Variants in MGAT5 observed in about 807,000 individuals in gnomAD.
MGAT5 encodes alpha-1,6-mannosylglycoprotein 6-beta-N-acetylglucosaminyltransferase.
MGAT5 carries 30 observed loss-of-function variants against 94.3 expected under a neutral mutation model. The observed-to-expected ratio is 0.32, with a 90% CI of 0.24 to 0.43. The LOEUF is 0.43. MGAT5 is among the 20% of genes least tolerant of loss of function. The pLI is 1.00. For synonymous variants in MGAT5, 310 were observed against 322.9 expected (o/e 0.96, Z 0.43); for missense variants, 691 against 905.5 (o/e 0.76, Z 3.04).
chr2:134,420,637 G>A (rs920163202), intron 12 of MGAT5, among the ~76,000 whole-genome samples: 3 of 151,546 alleles, frequency 2.0e-5, no homozygotes, highest in Non-Finnish European at 2.9e-5. Context: ...AAAGAGGAGA[G>A]CCAGCTTGAC....
intron 4 of MGAT5, among the ~76,000 whole-genome samples, chr2:134,326,720 T>C (rs747588706): frequency 3.9e-5 from 6 of 152,092 alleles, no homozygotes; most frequent in Admixed American, 2.0e-4. Context: ...ATGTATCATC[T>C]AGATTGTAGT....
At chr2:134,376,377 T>C (rs548216420) in intron 10 of MGAT5, among the ~76,000 whole-genome samples, 2 of 152,322 alleles carry the variant, frequency 1.3e-5, no homozygotes, top group East Asian at 3.9e-4. Context: ...ATGGATATCA[T>C]TTACTGGAGA....
chr2:134,389,363 G>C lies in MGAT5; in HGVS notation c.1381-13625G>C, dbSNP rs190361761. 1.3e-4 allele frequency among the ~76,000 whole-genome samples: 20 copies of C among 152,270 alleles called. 1 individual carries two copies. In the East Asian group the frequency reaches 3.5e-3, roughly 26 times the overall value. On this transcript the variant is annotated intron_variant, in intron 10 of 15. Transcript: ENST00000281923. The stretch of plus-strand genomic sequence containing the variant: ...GACTAAGCTTGGGAATCTCTGAAAA[G>C]TCATCTCAGGAAACAGACCTAGACA...
At chr2:134,189,604 T>TTTG (rs1221722320) in intron 1 of MGAT5, among the ~76,000 whole-genome samples, 3 of 105,810 alleles carry the variant, frequency 2.8e-5, no homozygotes, top group African/African-American at 1.3e-4. Flanking sequence ...TTTTTTTTGT[T>TTTG]TTTTTTTTTT....
At chr2:134,384,319 C>T (rs1236105055) in intron 10 of MGAT5, among the ~76,000 whole-genome samples, 1 of 151,784 alleles carries the variant, frequency 6.6e-6, no homozygotes, top group Non-Finnish European at 1.5e-5. Context: ...CTTGCCCCTA[C>T]AAGTTCCTTC....
chr2:134,154,923 C>A (rs1687404528), intron 1 of MGAT5, among the ~76,000 whole-genome samples: 1 of 152,186 alleles, frequency 6.6e-6, no homozygotes, highest in Non-Finnish European at 1.5e-5. Context: ...GTGACCTTTC[C>A]TGGAGGATAA....
chr2:134,161,161 C>G (rs188498744), intron 1 of MGAT5, among the ~76,000 whole-genome samples: 1 of 152,314 alleles, frequency 6.6e-6, no homozygotes, highest in African/African-American at 2.4e-5. Context: ...GAAGGACAGA[C>G]GTTGTCACCA....
chr2:134,377,444 T>C (rs559622124), intron 10 of MGAT5, among the ~76,000 whole-genome samples: 1 of 152,360 alleles, frequency 6.6e-6, no homozygotes, highest in Non-Finnish European at 1.5e-5. Flanking sequence ...CACATGACCA[T>C]TCTTGGCTGC....
chr2:134,391,816 T>C (rs1039937394), intron 10 of MGAT5, among the ~76,000 whole-genome samples: 1 of 152,216 alleles, frequency 6.6e-6, no homozygotes, highest in African/African-American at 2.4e-5. Flanking sequence ...CTTTGTAGTT[T>C]GAGTCACTTA....
chr2:134,403,249 T>C lies in MGAT5; in HGVS notation c.1530+112T>C, dbSNP rs919267717. On this transcript the variant is annotated intron_variant, in intron 11 of 15. Coordinates refer to ENST00000281923, the MANE Select transcript of MGAT5 (RefSeq NM_002410.5). Reference sequence around the variant, plus strand: ...GCTGCAATAAACTCTTGTGGCTATTTTGGGGCAGCAGTTTGCTAGACCAAT... The same window carrying C: ...GCTGCAATAAACTCTTGTGGCTATTCTGGGGCAGCAGTTTGCTAGACCAAT... 30 of 1,168,396 alleles carry C rather than the reference T, an allele frequency of 2.6e-5. No individual in the cohort carries two copies. In the Admixed American group the frequency reaches 8.9e-4, roughly 35 times the overall value. The allele number at this position is 1,168,396 out of a possible 1,614,324, so 72.4% of individuals were successfully genotyped here.
intron 1 of MGAT5, among the ~76,000 whole-genome samples, chr2:134,261,486 G>A (rs577715048): frequency 1.2e-4 from 18 of 152,216 alleles, no homozygotes; most frequent in Non-Finnish European, 1.9e-4. Flanking sequence ...GTCTTTGAGC[G>A]TCTGCATTTG....
chr2:134,413,640 C>T (rs562449615), intron 12 of MGAT5, among the ~76,000 whole-genome samples: 1 of 152,248 alleles, frequency 6.6e-6, no homozygotes, highest in East Asian at 1.9e-4. Flanking sequence ...TTTACAGCTA[C>T]GTGTGAGTGA....
chr2:134,149,332 G>A (rs369240726), intron 1 of MGAT5, among the ~76,000 whole-genome samples: 27 of 152,212 alleles, frequency 1.8e-4, no homozygotes, highest in African/African-American at 6.5e-4. Context: ...CCTCCATGTG[G>A]ATTCTACTCC....
intron 1 of MGAT5, among the ~76,000 whole-genome samples, chr2:134,177,163 A>G (rs2321730): frequency 0.035 from 946 of 27,374 alleles, 12 homozygotes; most frequent in African/African-American, 0.12. Context: ...GTGTGTGTGT[A>G]TGTATCTCTA....
At chr2:134,252,073 T>C (rs57338450), upstream of MGAT5, among the ~76,000 whole-genome samples, 1,737 of 152,312 alleles carry the variant, frequency 0.011, 15 homozygotes, top group East Asian at 0.029. Flanking sequence ...TTCTCTCTCT[T>C]TTTCTGGTTG....
rs543058833 is a variant in MGAT5 at position 134,382,414 on chromosome 2, G to C, written c.1380+20006G>C. 7.9e-5 allele frequency among the ~76,000 whole-genome samples: 12 copies of C among 152,262 alleles called. No individual in the cohort carries two copies. In the East Asian group the frequency reaches 9.6e-4, roughly 12 times the overall value. On this transcript the variant is annotated intron_variant, in intron 10 of 15. Transcript: ENST00000281923. ...ATTGTGTCGAAATAGGAAGACTGAG[G>C]TTGCCCAGAATGCTTCTTTAAAGAG... is the stretch of plus-strand genomic sequence containing the variant.
chr2:134,145,245 T>TGTGTGTGTGTG (rs1558955417), intron 1 of MGAT5, among the ~76,000 whole-genome samples: 2 of 151,926 alleles, frequency 1.3e-5, no homozygotes, highest in Admixed American at 6.6e-5. Flanking sequence ...TGTGTGTGTG[T>TGTGTGTGTGTG]TTAAAGAACC....
chr2:134,180,408 C>T (rs1309051200), intron 1 of MGAT5, among the ~76,000 whole-genome samples: 1 of 152,198 alleles, frequency 6.6e-6, no homozygotes, highest in African/African-American at 2.4e-5. Context: ...TTGGTAAAGT[C>T]AACAGGTACC....
chr2:134,372,178 G>A (rs1001638201), intron 10 of MGAT5, among the ~76,000 whole-genome samples: 1 of 152,140 alleles, frequency 6.6e-6, no homozygotes, highest in African/African-American at 2.4e-5. Context: ...TCCATGTGTG[G>A]TATATGGCTG....
Sources: allele counts gnomAD v4.1 joint callset (sites outside exome capture counted in the v4.1 genomes callset), GRCh38; gene constraint gnomAD v4.1.1; transcripts MANE v1.5; gene names NCBI Gene and HGNC (gene_info 2026-07-23, HGNC 2026-07-21).